The following CTIF variants were observed in gnomAD, a reference collection of about 807,000 sequenced individuals.
CTIF encodes the protein cap binding complex dependent translation initiation factor, also known as CBP80/20-dependent translation initiation factor.
A neutral mutation model predicts 66.0 loss-of-function variants in CTIF; 21 were observed. The observed-to-expected ratio is 0.32, with a 90% CI of 0.23 to 0.46. The LOEUF (loss-of-function observed/expected upper bound fraction) is 0.46. CTIF is among the 20% of genes least tolerant of loss of function. The pLI, the probability that CTIF is intolerant of heterozygous loss-of-function variation, is 1.00. For synonymous variants in CTIF, 345 were observed against 326.4 expected (o/e 1.06, Z -0.62); for missense variants, 739 against 812.7 (o/e 0.91, Z 1.10).
Position 48,636,645 on chromosome 18 carries a change from G to A in CTIF, c.212G>A (p.Ser71Asn). 2 of 1,599,664 alleles carry A rather than the reference G, an allele frequency of 1.3e-6. No individual in the cohort carries two copies. Among genetic ancestry groups the A allele is most frequent in the Non-Finnish European group, 1.7e-6 (2 of 1,174,206 alleles). ...WTADCSEPLD[S>N]SCSFSRGRAP... ...GCGGACTGCAGCGAACCGCTGGACA[G>A]CAGCTGTTCCTTCTCCCGAGGGCGA... is the stretch of plus-strand genomic sequence containing the variant. The change falls in exon 3 of 12, where the codon AGC becomes AAC. Residue 71 changes from serine to asparagine, a missense_variant. By Grantham distance (46) the Ser-to-Asn change is conservative. Coordinates refer to ENST00000256413, the MANE Select transcript of CTIF (RefSeq NM_014772.3).
chr18:48,732,661 GA>G (rs1452523824), intron 7 of CTIF, among the ~76,000 whole-genome samples: 1 of 152,166 alleles, frequency 6.6e-6, no homozygotes, highest in African/African-American at 2.4e-5. Context: ...GCTCCTTCTG[GA>G]CATGAGGTTT....
At chr18:48,545,879 G>A (rs764767377) in intron 1 of CTIF, among the ~76,000 whole-genome samples, 2 of 152,188 alleles carry the variant, frequency 1.3e-5, no homozygotes, top group African/African-American at 4.8e-5. Flanking sequence ...TTGTCATGCC[G>A]GCCGCTGTCG....
At chr18:48,734,899 T>G (rs939389589) in intron 7 of CTIF, among the ~76,000 whole-genome samples, 23 of 152,210 alleles carry the variant, frequency 1.5e-4, no homozygotes, top group African/African-American at 5.5e-4. Context: ...TACTGAACAA[T>G]TTACACTTAA....
intron 1 of CTIF, among the ~76,000 whole-genome samples, chr18:48,618,406 G>A (rs1366419547): frequency 6.6e-6 from 1 of 152,168 alleles, no homozygotes; most frequent in African/African-American, 2.4e-5. Context: ...TCTACTAGTT[G>A]TGATACTAAA....
At chr18:48,663,988 C>T (rs1442280510) in intron 4 of CTIF, among the ~76,000 whole-genome samples, 163 bp downstream of exon 4, 2 of 152,120 alleles carry the variant, frequency 1.3e-5, no homozygotes, top group Non-Finnish European at 2.9e-5. Flanking sequence ...AGAGAGGAGG[C>T]GGTGAGTGTC....
At chr18:48,795,722 A>G (rs778869294) in intron 9 of CTIF, among the ~76,000 whole-genome samples, 10 of 152,218 alleles carry the variant, frequency 6.6e-5, no homozygotes, top group African/African-American at 1.2e-4. Flanking sequence ...CTCTGTTGTC[A>G]TCAGCCTGAT....
At chr18:48,830,462 C>T (rs896121115) in intron 10 of CTIF, among the ~76,000 whole-genome samples, 2 of 152,174 alleles carry the variant, frequency 1.3e-5, no homozygotes, top group Non-Finnish European at 2.9e-5. Context: ...TGAACCACCG[C>T]GCCCGGCCAG....
At chr18:48,682,493 C>T (rs1189682921) in intron 6 of CTIF, among the ~76,000 whole-genome samples, 2 of 152,196 alleles carry the variant, frequency 1.3e-5, no homozygotes, top group East Asian at 3.9e-4. Flanking sequence ...CTCTGTGATA[C>T]TGATGCGTGC....
At chr18:48,844,603 G>A (rs1365173027) in intron 10 of CTIF, among the ~76,000 whole-genome samples, 1 of 152,168 alleles carries the variant, frequency 6.6e-6, no homozygotes, top group Non-Finnish European at 1.5e-5. Flanking sequence ...AGGAGGGCTG[G>A]CAGCCAGACC....
intron 2 of CTIF, among the ~76,000 whole-genome samples, chr18:48,636,071 C>A (rs528207264): frequency 3.5e-4 from 53 of 152,332 alleles, no homozygotes; most frequent in African/African-American, 1.3e-3. Context: ...CACTTTGGGA[C>A]ACAGCAGCCC....
intron 9 of CTIF, among the ~76,000 whole-genome samples, chr18:48,780,697 C>G (rs1599031752): frequency 6.6e-6 from 1 of 152,240 alleles, no homozygotes; most frequent in African/African-American, 2.4e-5. Flanking sequence ...GCCACTCTCC[C>G]AGGCTTCCCT....
At chr18:48,613,850 C>T (rs2090351746) in intron 1 of CTIF, among the ~76,000 whole-genome samples, 1 of 152,192 alleles carries the variant, frequency 6.6e-6, no homozygotes, top group Non-Finnish European at 1.5e-5. Context: ...GAAAGCCGTG[C>T]CCACACCGGC....
intron 6 of CTIF, among the ~76,000 whole-genome samples, chr18:48,677,989 G>A (rs2091663416): frequency 6.6e-6 from 1 of 152,200 alleles, no homozygotes; most frequent in Non-Finnish European, 1.5e-5. Context: ...GGAGAACTGA[G>A]CTCAAATACC....
intron 7 of CTIF, among the ~76,000 whole-genome samples, chr18:48,721,431 C>G (rs1377804493): frequency 6.6e-6 from 1 of 152,188 alleles, no homozygotes; most frequent in Non-Finnish European, 1.5e-5. Context: ...AGGATTGGCT[C>G]ACAAACACTA....
chr18:48,697,639 G>A (rs1250537331), intron 6 of CTIF, among the ~76,000 whole-genome samples: 1 of 152,190 alleles, frequency 6.6e-6, no homozygotes, highest in African/African-American at 2.4e-5. Flanking sequence ...TGCCAGGGCA[G>A]GAACCCGGGT....
chr18:48,647,764 G>A (rs1460820274), intron 3 of CTIF, among the ~76,000 whole-genome samples: 3 of 143,998 alleles, frequency 2.1e-5, no homozygotes, highest in South Asian at 2.5e-4. Flanking sequence ...TCCCCCACCC[G>A]CCCACCTCAT....
intron 9 of CTIF, among the ~76,000 whole-genome samples, chr18:48,807,120 T>C (rs765269549): frequency 6.6e-6 from 1 of 152,140 alleles, no homozygotes; most frequent in African/African-American, 2.4e-5. Flanking sequence ...GAGGAAAAGC[T>C]GGCAACCTAT....
At chr18:48,668,836 C>T (rs185159843) in intron 5 of CTIF, among the ~76,000 whole-genome samples, 1 of 152,242 alleles carries the variant, frequency 6.6e-6, no homozygotes, top group East Asian at 1.9e-4. Flanking sequence ...GGGGCACTTG[C>T]TGCTCTACTG....
chr18:48,797,796 G>A (rs1478602185), intron 9 of CTIF, among the ~76,000 whole-genome samples: 2 of 152,186 alleles, frequency 1.3e-5, no homozygotes, highest in African/African-American at 4.8e-5. Flanking sequence ...TAGTACCTGT[G>A]TGAGGTAACA....
Sources: allele counts gnomAD v4.1 joint callset (sites outside exome capture counted in the v4.1 genomes callset), GRCh38; gene constraint gnomAD v4.1.1; transcripts MANE v1.5; gene names NCBI Gene and HGNC (gene_info 2026-07-23, HGNC 2026-07-21).